The following ROBO2 variants were observed in gnomAD, a reference collection of about 807,000 sequenced individuals.
ROBO2 encodes roundabout homolog 2.
In ROBO2, 53 loss-of-function variants were observed where a neutral mutation model predicts 160.8. The ratio of observed to expected loss-of-function variants is 0.33; its 90% confidence interval spans 0.26 to 0.41. The LOEUF (loss-of-function observed/expected upper bound fraction) is 0.41, where lower values mean the gene tolerates loss of function less well. Ranked by LOEUF, ROBO2 falls within the 10% of genes least tolerant of loss-of-function variation. The pLI, the probability that ROBO2 is intolerant of heterozygous loss-of-function variation, is 1.00. For synonymous variants in ROBO2, 664 were observed against 611.7 expected (o/e 1.09, Z -1.26); for missense variants, 1,577 against 1,722.4 (o/e 0.92, Z 1.49).
intron 5 of ROBO2, among the ~76,000 whole-genome samples, chr3:77,513,963 T>C (rs2089711318): frequency 6.6e-6 from 1 of 151,864 alleles, no homozygotes; most frequent in South Asian, 2.1e-4. Flanking sequence ...TGACTGCATT[T>C]ATTTAAGTCA....
At chr3:76,470,090 C>A (rs2078577339) in intron 2 of ROBO2, among the ~76,000 whole-genome samples, 1 of 152,168 alleles carries the variant, frequency 6.6e-6, no homozygotes, top group Admixed American at 6.6e-5. Flanking sequence ...TCTCTTAGAT[C>A]TGCTCCATTC....
At chr3:76,564,004 G>A (rs1048571869) in intron 2 of ROBO2, among the ~76,000 whole-genome samples, 4 of 152,110 alleles carry the variant, frequency 2.6e-5, no homozygotes, top group East Asian at 1.9e-4. Context: ...TCAGGAGTTC[G>A]AGACCAGCCT....
intron 2 of ROBO2, among the ~76,000 whole-genome samples, chr3:76,139,319 A>G (rs1427261789): frequency 6.6e-6 from 1 of 152,102 alleles, no homozygotes; most frequent in Non-Finnish European, 1.5e-5. Flanking sequence ...TGAGGACAAC[A>G]CAGCTCAGAT....
intron 2 of ROBO2, among the ~76,000 whole-genome samples, chr3:76,028,675 G>C (rs373239502): frequency 6.6e-6 from 1 of 151,944 alleles, no homozygotes; most frequent in African/African-American, 2.4e-5. Flanking sequence ...CCAGTGGTGT[G>C]AATTTCAGAA....
intron 16 of ROBO2, among the ~76,000 whole-genome samples, chr3:77,588,277 GAATATTAA>G: frequency 6.6e-6 from 1 of 152,022 alleles, no homozygotes; most frequent in African/African-American, 2.4e-5. Flanking sequence ...TTCTTTGGTA[GAATATTAA>G]GGTCAACATT....
At chr3:76,405,107 G>A (rs1487072553) in intron 2 of ROBO2, among the ~76,000 whole-genome samples, 1 of 151,552 alleles carries the variant, frequency 6.6e-6, no homozygotes, top group Non-Finnish European at 1.5e-5. Flanking sequence ...AGGTGCTTTA[G>A]GTAGAGTTGA....
chr3:76,043,640 A>C (rs1182606303), intron 2 of ROBO2, among the ~76,000 whole-genome samples: 1 of 150,356 alleles, frequency 6.7e-6, no homozygotes, highest in South Asian at 2.1e-4. Context: ...AAAAAAAAAA[A>C]AAAAAACCAC....
chr3:76,644,397 C>T (rs1412571330), intron 2 of ROBO2, among the ~76,000 whole-genome samples: 5 of 152,148 alleles, frequency 3.3e-5, no homozygotes, highest in Non-Finnish European at 5.9e-5. Context: ...CAGTCTCACC[C>T]ATGTCAATCA....
intron 2 of ROBO2, among the ~76,000 whole-genome samples, chr3:76,887,336 G>T (rs1413365627): frequency 1.3e-5 from 2 of 150,748 alleles, no homozygotes; most frequent in Non-Finnish European, 2.9e-5. Flanking sequence ...CAACTGTTAA[G>T]GTCATTAAAC....
At chr3:77,420,341 A>C (rs1032541070) in intron 2 of ROBO2, among the ~76,000 whole-genome samples, 3 of 152,056 alleles carry the variant, frequency 2.0e-5, no homozygotes, top group Non-Finnish European at 4.4e-5. Flanking sequence ...GAATGTGTGT[A>C]TGCATATGGT....
intron 2 of ROBO2, among the ~76,000 whole-genome samples, chr3:77,443,460 G>C (rs2080155368): frequency 6.6e-6 from 1 of 151,964 alleles, no homozygotes; most frequent in African/African-American, 2.4e-5. Context: ...AAGTAGTGCA[G>C]TTCTAGTATA....
rs1045104236 is a variant in ROBO2 at position 76,990,915 on chromosome 3, C to T, written c.110-107099C>T. On this transcript the variant is annotated intron_variant, in intron 2 of 26. Coordinates refer to the ROBO2 transcript ENST00000487694. ...TAAACACACTGAACAGGCTCCCCTC[C>T]CAAGTGCTGGCGGGCCAAGCAGGCA... 3.3e-5 allele frequency among the ~76,000 whole-genome samples: 5 copies of T among 152,110 alleles called. No homozygotes were observed. In the South Asian group the frequency reaches 1.0e-3, roughly 32 times the overall value.
intron 2 of ROBO2, among the ~76,000 whole-genome samples, chr3:75,966,813 A>G (rs1348537211): frequency 6.6e-6 from 1 of 151,662 alleles, no homozygotes; most frequent in Admixed American, 6.6e-5. Flanking sequence ...ATTCCACTCT[A>G]TAATTTCTGT....
intron 2 of ROBO2, among the ~76,000 whole-genome samples, chr3:77,013,063 G>T (rs757595920): frequency 6.6e-6 from 1 of 152,080 alleles, no homozygotes; most frequent in Non-Finnish European, 1.5e-5. Context: ...AAATATGGTT[G>T]ACTCAAGATG....
intron 2 of ROBO2, among the ~76,000 whole-genome samples, chr3:76,795,526 T>C (rs915277446): frequency 1.3e-5 from 2 of 152,120 alleles, no homozygotes; most frequent in African/African-American, 4.8e-5. Context: ...TGCTCATCCA[T>C]AAGAAACAAC....
At chr3:76,616,230 A>T (rs1162723441) in intron 2 of ROBO2, among the ~76,000 whole-genome samples, 2 of 152,234 alleles carry the variant, frequency 1.3e-5, no homozygotes, top group Admixed American at 6.5e-5. Context: ...TACCACTTTT[A>T]TCCAAATCTA....
intron 2 of ROBO2, among the ~76,000 whole-genome samples, chr3:76,064,573 C>T (rs1355365485): frequency 6.6e-6 from 1 of 152,146 alleles, no homozygotes; most frequent in Non-Finnish European, 1.5e-5. Flanking sequence ...ATGATTAGCT[C>T]TCTAACAATC....
intron 2 of ROBO2, among the ~76,000 whole-genome samples, chr3:76,499,428 C>T (rs1336429405): frequency 6.6e-6 from 1 of 152,160 alleles, no homozygotes; most frequent in Non-Finnish European, 1.5e-5. Context: ...CAATGTCCAA[C>T]CTCTATTCTT....
At chr3:76,295,687 T>G (rs189623542) in intron 2 of ROBO2, among the ~76,000 whole-genome samples, 3 of 152,274 alleles carry the variant, frequency 2.0e-5, no homozygotes, top group Non-Finnish European at 4.4e-5. Context: ...TTTAAAAGCC[T>G]TTATCAAGAA....
Sources: allele counts gnomAD v4.1 joint callset (sites outside exome capture counted in the v4.1 genomes callset), GRCh38; gene constraint gnomAD v4.1.1; transcripts MANE v1.5; gene names NCBI Gene and HGNC (gene_info 2026-07-23, HGNC 2026-07-21).